NRXN1: variants seen among roughly 807,000 people sequenced by gnomAD.
The protein encoded by NRXN1 is neurexin-1.
NRXN1 carries 39 observed loss-of-function variants against 150.9 expected under a neutral mutation model. That is an observed-to-expected ratio of 0.26 (90% CI 0.20 to 0.34). The LOEUF is 0.34. NRXN1 is among the 10% of genes least tolerant of loss of function. The pLI, the probability that NRXN1 is intolerant of heterozygous loss-of-function variation, is 1.00. For synonymous variants in NRXN1, 924 were observed against 757.0 expected (o/e 1.22, Z -3.62); for missense variants, 1,815 against 1,949.9 (o/e 0.93, Z 1.30).
Position 50,961,000 on chromosome 2 carries a change from A to G in NRXN1, c.773-35045T>C, listed in dbSNP as rs1330631388. Among the ~76,000 whole-genome samples, 6 of 152,064 alleles carry G rather than the reference A, an allele frequency of 3.9e-5. No homozygotes were observed. The East Asian group carries it at 9.7e-4, about 24-fold the overall frequency. On this transcript the variant is annotated intron_variant, in intron 2 of 22. Transcript: ENST00000401669. ...ACCACCATTTTCGGGTGAGTAGTAT[A>G]TAAGTTTTTGTAAAAATTAGGTAAC... is the stretch of plus-strand genomic sequence containing the variant.
intron 17 of NRXN1, among the ~76,000 whole-genome samples, chr2:50,271,349 G>A (rs1233481388): frequency 6.6e-6 from 1 of 152,146 alleles, no homozygotes; most frequent in Non-Finnish European, 1.5e-5. Context: ...TTAAGATTTA[G>A]TAGAGGAAAA....
intron 2 of NRXN1, among the ~76,000 whole-genome samples, chr2:50,986,274 C>T (rs940732105): frequency 2.6e-5 from 4 of 151,574 alleles, no homozygotes; most frequent in African/African-American, 4.8e-5. Flanking sequence ...ACTCTTGTAA[C>T]GTAAATTGGC....
At chr2:50,247,972 T>G (rs938078684) in intron 17 of NRXN1, among the ~76,000 whole-genome samples, 5 of 152,136 alleles carry the variant, frequency 3.3e-5, no homozygotes, top group African/African-American at 1.2e-4. Flanking sequence ...TCAAAATAAT[T>G]TTTAAAGATA....
intron 12 of NRXN1, among the ~76,000 whole-genome samples, chr2:50,507,240 T>TA (rs1485459619): frequency 6.6e-6 from 1 of 152,116 alleles, no homozygotes; most frequent in Non-Finnish European, 1.5e-5. Context: ...ATGTTGAGTC[T>TA]AAAAAACACA....
intron 5 of NRXN1, chr2:50,918,692 A>G (rs1250079134): frequency 8.7e-6 from 3 of 343,646 alleles, no homozygotes; most frequent in Admixed American, 9.7e-5. Flanking sequence ...GTGACCAGTT[A>G]CACATACATA....
At chr2:50,193,697 C>T (rs923356632) in intron 18 of NRXN1, among the ~76,000 whole-genome samples, 6 of 151,800 alleles carry the variant, frequency 4.0e-5, no homozygotes, top group African/African-American at 1.5e-4. Context: ...TCAAAGATAC[C>T]CATTATAAAA....
intron 17 of NRXN1, among the ~76,000 whole-genome samples, chr2:50,320,132 T>C (rs1488565935): frequency 6.6e-6 from 1 of 151,538 alleles, no homozygotes; most frequent in African/African-American, 2.4e-5. Context: ...AAGCAAAAAG[T>C]TTCCACAGCC....
intron 18 of NRXN1, among the ~76,000 whole-genome samples, chr2:50,223,293 C>T (rs1559122625): frequency 6.6e-6 from 1 of 151,930 alleles, no homozygotes; most frequent in Non-Finnish European, 1.5e-5. Flanking sequence ...ATGTTCCTCA[C>T]ATAACAATTA....
At chr2:50,885,195 G>T (rs1038379796) in intron 5 of NRXN1, among the ~76,000 whole-genome samples, 7 of 151,452 alleles carry the variant, frequency 4.6e-5, no homozygotes, top group Non-Finnish European at 8.9e-5. Context: ...TCCTGAATGT[G>T]ACAGTATGTA....
At chr2:50,518,923 T>C (rs1211553927) in intron 12 of NRXN1, among the ~76,000 whole-genome samples, 1 of 151,598 alleles carries the variant, frequency 6.6e-6, no homozygotes, top group African/African-American at 2.4e-5. Context: ...AAAAAAACCC[T>C]AAGTTTCTGC....
At chr2:51,030,900 G>GT (rs1157953001) in intron 1 of NRXN1, among the ~76,000 whole-genome samples, 1 of 150,662 alleles carries the variant, frequency 6.6e-6, no homozygotes, top group Non-Finnish European at 1.5e-5. Context: ...TCTTGTGTGT[G>GT]TAACTCTGTT....
At chr2:50,469,006 A>G (rs946447717) in intron 16 of NRXN1, among the ~76,000 whole-genome samples, 4 of 151,626 alleles carry the variant, frequency 2.6e-5, no homozygotes, top group African/African-American at 9.7e-5. Flanking sequence ...TCTTGACTTT[A>G]GTGGGCCTGC....
At chr2:50,686,626 C>T (rs1365207020) in intron 5 of NRXN1, among the ~76,000 whole-genome samples, 1 of 152,194 alleles carries the variant, frequency 6.6e-6, no homozygotes, top group Non-Finnish European at 1.5e-5. Context: ...TAAAAATTGA[C>T]ATCCAACAAA....
chr2:50,800,977 C>T (rs1041681278), intron 5 of NRXN1, among the ~76,000 whole-genome samples: 1 of 152,098 alleles, frequency 6.6e-6, no homozygotes, highest in Non-Finnish European at 1.5e-5. Context: ...TTCTAATGTA[C>T]GCAAGCATAA....
At chr2:50,444,416 T>A (rs1275526694) in intron 17 of NRXN1, among the ~76,000 whole-genome samples, 2 of 152,148 alleles carry the variant, frequency 1.3e-5, no homozygotes, top group African/African-American at 4.8e-5. Context: ...ACAGAACCCA[T>A]AATGGCGTCA....
chr2:50,911,825 C>G (rs1013461261), intron 5 of NRXN1, among the ~76,000 whole-genome samples: 2 of 151,838 alleles, frequency 1.3e-5, no homozygotes, highest in African/African-American at 4.8e-5. Context: ...AGCACATGGT[C>G]TGAACTCTAC....
At chr2:50,071,711 G>A (rs1438376792) in intron 19 of NRXN1, among the ~76,000 whole-genome samples, 1 of 152,138 alleles carries the variant, frequency 6.6e-6, no homozygotes, top group African/African-American at 2.4e-5. Flanking sequence ...AACTAATACA[G>A]AGATAATTTA....
intron 5 of NRXN1, among the ~76,000 whole-genome samples, chr2:50,764,666 G>A (rs1702190489): frequency 6.6e-6 from 1 of 151,900 alleles, no homozygotes; most frequent in Middle Eastern, 3.2e-3. Context: ...TTGAACCCTG[G>A]CAATAGAGCA....
At chr2:51,010,291 C>G (rs921953426) in intron 2 of NRXN1, among the ~76,000 whole-genome samples, 5 of 151,984 alleles carry the variant, frequency 3.3e-5, no homozygotes, top group African/African-American at 9.7e-5. Flanking sequence ...CAGCAAAACA[C>G]CTGGTCTTTA....
Sources: gnomAD v4.1 joint callset for allele counts (sites outside exome capture counted in the v4.1 genomes callset) on GRCh38, gnomAD v4.1.1 for gene constraint, MANE v1.5 for transcripts, NCBI Gene and HGNC (gene_info 2026-07-23, HGNC 2026-07-21) for gene names.